Variants in PEX5L observed in about 807,000 individuals in gnomAD.
PEX5L encodes PEX5-related protein.
A neutral mutation model predicts 84.0 loss-of-function variants in PEX5L; 30 were observed. The ratio of observed to expected loss-of-function variants is 0.36; its 90% CI spans 0.27 to 0.48. PEX5L has a LOEUF of 0.48. Among genes scored for constraint, PEX5L ranks in the 20% least tolerant of loss-of-function variants. The probability of loss-of-function intolerance (pLI) is 0.99; values close to 1 mark genes in which losing one functional copy is unlikely to be tolerated. For missense variants in PEX5L, 533 were observed against 754.6 expected, an observed-to-expected ratio of 0.71 and a Z score of 3.44; for synonymous variants, 270 against 283.1, an observed-to-expected ratio of 0.95 and a Z score of 0.46.
At chr3:179,962,836 C>A (rs1390444174) in intron 2 of PEX5L, among the ~76,000 whole-genome samples, 3 of 152,194 alleles carry the variant, frequency 2.0e-5, no homozygotes, top group Non-Finnish European at 4.4e-5. Flanking sequence ...TTACACTCAA[C>A]CTGTCAGCTC....
chr3:179,894,247 C>T (rs1758501893), intron 3 of PEX5L, among the ~76,000 whole-genome samples: 1 of 152,026 alleles, frequency 6.6e-6, no homozygotes, highest in African/African-American at 2.4e-5. Flanking sequence ...CTGACTGTAT[C>T]AATTGAAAAG....
chr3:179,934,719 T>G (rs906174581), intron 2 of PEX5L, among the ~76,000 whole-genome samples: 4 of 152,182 alleles, frequency 2.6e-5, no homozygotes, highest in Non-Finnish European at 5.9e-5. Flanking sequence ...TGCCGTTTAT[T>G]ACTCTCCTTG....
intron 7 of PEX5L, among the ~76,000 whole-genome samples, chr3:179,863,644 C>T (rs1200974280): frequency 6.6e-6 from 1 of 152,076 alleles, no homozygotes; most frequent in Non-Finnish European, 1.5e-5. Context: ...CCACCTCACA[C>T]CTATTAGGAT....
intron 8 of PEX5L, among the ~76,000 whole-genome samples, chr3:179,822,113 A>T (rs1728734456): frequency 6.6e-6 from 1 of 152,244 alleles, no homozygotes; most frequent in African/African-American, 2.4e-5. Flanking sequence ...TGTCTGCAGT[A>T]GAAGGAAAGA....
chr3:179,963,697 C>G (rs76780721), intron 2 of PEX5L, among the ~76,000 whole-genome samples: 28,671 of 151,912 alleles, frequency 0.19, 3,483 homozygotes, highest in Non-Finnish European at 0.27. Context: ...TTGAAAAATT[C>G]CTATGTGTGG....
At chr3:179,918,262 T>C (rs1469924782) in intron 2 of PEX5L, among the ~76,000 whole-genome samples, 1 of 152,198 alleles carries the variant, frequency 6.6e-6, no homozygotes, top group Non-Finnish European at 1.5e-5. Flanking sequence ...TACTTCACAA[T>C]TTCCACTGTC....
intron 1 of PEX5L, among the ~76,000 whole-genome samples, chr3:180,019,637 A>G (rs1790255766): frequency 6.6e-6 from 1 of 152,204 alleles, no homozygotes; most frequent in African/African-American, 2.4e-5. Flanking sequence ...TGCATCTAAT[A>G]TAACTGTCAA....
intron 2 of PEX5L, among the ~76,000 whole-genome samples, chr3:179,968,697 C>CTGTGTG (rs67094806): frequency 0.021 from 2,967 of 143,846 alleles, 24 homozygotes; most frequent in Non-Finnish European, 0.026. Flanking sequence ...ATTTAAATGA[C>CTGTGTG]TGTGTGTGTG....
At chr3:179,926,962 G>A (rs540995237) in intron 2 of PEX5L, among the ~76,000 whole-genome samples, 3 of 152,254 alleles carry the variant, frequency 2.0e-5, no homozygotes, top group Admixed American at 6.5e-5. Context: ...AGGCAGATCC[G>A]GGTCTCAGTT....
At chr3:179,819,752 C>T in intron 9 of PEX5L, 108 bp downstream of exon 9, 2 of 955,904 alleles carry the variant, frequency 2.1e-6, no homozygotes, top group Non-Finnish European at 3.2e-6. Context: ...ATTAAATTGT[C>T]TTTTTAATTA....
chr3:179,927,613 C>T (rs1444184302), intron 2 of PEX5L, among the ~76,000 whole-genome samples: 4 of 152,026 alleles, frequency 2.6e-5, no homozygotes, highest in African/African-American at 9.7e-5. Flanking sequence ...TAAAATTGGG[C>T]TTGCATTTTG....
chr3:179,875,497 CAGGTGAGGCAGGTGGCGGCAGGGCGGGGT>C lies in PEX5L; in HGVS notation c.506-49_506-21del. On this transcript the variant is annotated intron_variant, in intron 5 of 14. Transcript: ENST00000467460. ...GAATGTCTAGTAAGTACAGAGGAAGCAGGTGAGGCAGGTGGCGGCAGGGCGGGGTAGGGGGAGCGGTGGCGGGGAGTGGG... is the reference window on the plus strand; with the variant it reads ...GAATGTCTAGTAAGTACAGAGGAAGCAGGGGGAGCGGTGGCGGGGAGTGGG... 1 of 1,603,122 alleles carries C rather than the reference CAGGTGAGGCAGGTGGCGGCAGGGCGGGGT, an allele frequency of 6.2e-7. No homozygotes were observed. Among genetic ancestry groups the C allele is most frequent in the Non-Finnish European group, 8.5e-7 (1 of 1,174,880 alleles).
chr3:179,979,712 C>A (rs1156931799), intron 1 of PEX5L, among the ~76,000 whole-genome samples: 1 of 152,208 alleles, frequency 6.6e-6, no homozygotes, highest in African/African-American at 2.4e-5. Context: ...GTTATCTCTG[C>A]AGTCTGAGAA....
At chr3:179,970,756 G>A (rs1427056851) in intron 2 of PEX5L, among the ~76,000 whole-genome samples, 1 of 152,110 alleles carries the variant, frequency 6.6e-6, no homozygotes, top group Non-Finnish European at 1.5e-5. Flanking sequence ...GCAAATTCAG[G>A]TGCCTTTCTG....
intron 2 of PEX5L, among the ~76,000 whole-genome samples, chr3:179,943,672 C>T (rs781031288): frequency 3.9e-5 from 6 of 152,250 alleles, no homozygotes; most frequent in South Asian, 4.1e-4. Context: ...ACAGCAGAGG[C>T]GGTGAGCACT....
intron 2 of PEX5L, among the ~76,000 whole-genome samples, chr3:179,918,246 T>C (rs1388606140): frequency 6.6e-6 from 1 of 152,214 alleles, no homozygotes; most frequent in African/African-American, 2.4e-5. Flanking sequence ...AGGTTCTACT[T>C]GGTGGTACTT....
At chr3:179,853,860 G>A (rs1560390146) in intron 8 of PEX5L, among the ~76,000 whole-genome samples, 1 of 150,878 alleles carries the variant, frequency 6.6e-6, no homozygotes, top group Non-Finnish European at 1.5e-5. Flanking sequence ...CATTCAGGCT[G>A]GAGTGCAGTA....
rs558760276 is a variant in PEX5L, at chr3:179,923,546, G to A, written c.94-25300C>T. Among the ~76,000 whole-genome samples the A allele has an allele frequency of 5.7e-3, 861 of 152,266 alleles. 4 individuals carry two copies. The highest frequency in any genetic ancestry group is 6.6e-3 in the Non-Finnish European group (452 of 68,014). On this transcript the variant is annotated intron_variant, in intron 2 of 14. Coordinates refer to ENST00000467460, the MANE Select transcript of PEX5L (RefSeq NM_016559.3). ...AACAATTAAATTAGAAACTAGGGGT[G>A]AAGCTATCAAGCTGTGTTTCAATAA...
chr3:179,967,098 T>C lies in PEX5L; in HGVS notation c.93+4496A>G, dbSNP rs551364455. On this transcript the variant is annotated intron_variant, in intron 2 of 14. Coordinates refer to ENST00000467460, the MANE Select transcript of PEX5L (RefSeq NM_016559.3). ...CTGTGAGGGTTCAATAAATAAATGT[T>C]GACCAATTACGATAATTCCTAGTAG... Among the ~76,000 whole-genome samples, 128 of 152,316 alleles carry C rather than the reference T, an allele frequency of 8.4e-4. 2 individuals are homozygous for C. The highest frequency in any genetic ancestry group is 2.8e-3 in the African/African-American group (115 of 41,580).
Sources: gnomAD v4.1 joint callset for allele counts (sites outside exome capture counted in the v4.1 genomes callset) on GRCh38, gnomAD v4.1.1 for gene constraint, MANE v1.5 for transcripts, NCBI Gene and HGNC (gene_info 2026-07-23, HGNC 2026-07-21) for gene names.